TENM3: variants seen among roughly 807,000 people sequenced by gnomAD.
TENM3 encodes teneurin-3.
A neutral mutation model predicts 255.1 loss-of-function variants in TENM3; 63 were observed. That is an observed-to-expected ratio of 0.25 (90% confidence interval 0.20 to 0.30). The LOEUF (loss-of-function observed/expected upper bound fraction) is 0.30, where lower values mean the gene tolerates loss of function less well. Among genes scored for constraint, TENM3 ranks in the 10% least tolerant of loss-of-function variants. The probability of loss-of-function intolerance (pLI) is 1.00; values close to 1 mark genes in which losing one functional copy is unlikely to be tolerated. For synonymous variants in TENM3, 1,306 were observed against 1,322.3 expected (o/e 0.99, Z 0.27); for missense variants, 2,929 against 3,461.1 (o/e 0.85, Z 3.86).
At chr4:182,622,502 A>C in intron 4 of TENM3, among the ~76,000 whole-genome samples, 1 of 152,224 alleles carries the variant, frequency 6.6e-6, no homozygotes, top group East Asian at 1.9e-4. Context: ...CACGTAGTAG[A>C]TATTCACGTT....
the TENM3 span, among the ~76,000 whole-genome samples, chr4:181,904,287 T>A: frequency 1.3e-5 from 2 of 152,034 alleles, no homozygotes; most frequent in Admixed American, 6.6e-5. Context: ...CTTCTCTTTC[T>A]TCCCCAGAGC....
chr4:182,665,230 C>G (rs1561075317), intron 6 of TENM3, among the ~76,000 whole-genome samples: 1 of 152,176 alleles, frequency 6.6e-6, no homozygotes, highest in Non-Finnish European at 1.5e-5. Context: ...TATGCTAATT[C>G]TACTCTGCCT....
intron 3 of TENM3, among the ~76,000 whole-genome samples, chr4:182,571,621 A>T (rs929017248): frequency 2.0e-5 from 3 of 152,226 alleles, no homozygotes; most frequent in African/African-American, 4.8e-5. Flanking sequence ...GATATAAAAT[A>T]TTTCAGTTAA....
At chr4:182,478,582 A>G (rs1042629077) in intron 3 of TENM3, among the ~76,000 whole-genome samples, 2 of 151,934 alleles carry the variant, frequency 1.3e-5, no homozygotes, top group African/African-American at 4.8e-5. Flanking sequence ...ATCCTTATAC[A>G]GTGACTTGAC....
the TENM3 span, chr4:181,821,710 T>C: frequency 1.3e-5 from 2 of 152,210 alleles, no homozygotes; most frequent in Admixed American, 1.3e-4. Flanking sequence ...AATGCATCTC[T>C]TGAGGGTCTA....
chr4:182,213,903 G>A (rs1482144378), intron 1 of TENM3, among the ~76,000 whole-genome samples: 3 of 152,008 alleles, frequency 2.0e-5, no homozygotes, highest in African/African-American at 4.8e-5. Context: ...CTGGGTTCAC[G>A]CCATTCTCCT....
At chr4:182,412,284 T>A (rs901407418) in intron 3 of TENM3, among the ~76,000 whole-genome samples, 4 of 152,002 alleles carry the variant, frequency 2.6e-5, no homozygotes, top group Non-Finnish European at 5.9e-5. Context: ...AAGGTGCCAA[T>A]ACAAGATCTG....
the TENM3 span, among the ~76,000 whole-genome samples, chr4:181,795,450 T>C: frequency 6.6e-6 from 1 of 152,178 alleles, no homozygotes; most frequent in Non-Finnish European, 1.5e-5. Flanking sequence ...CCCCACCTCC[T>C]AATACAATCT....
At chr4:182,379,554 A>G (rs1261683898) in intron 3 of TENM3, among the ~76,000 whole-genome samples, 1 of 150,958 alleles carries the variant, frequency 6.6e-6, no homozygotes. Flanking sequence ...TATATAATGC[A>G]GTAACTAGTG....
chr4:182,142,653 G>C (rs1337544514), upstream of TENM3: 1 of 167,308 alleles, frequency 6.0e-6, no homozygotes, highest in East Asian at 1.9e-4. Flanking sequence ...CGACGAGGCT[G>C]AGAGCGCACC....
the TENM3 span, among the ~76,000 whole-genome samples, chr4:181,525,989 A>G: frequency 6.6e-6 from 1 of 152,212 alleles, no homozygotes; most frequent in Admixed American, 6.5e-5. Flanking sequence ...GTAAATACAG[A>G]AGGTTTGAGA....
At position 182,220,378 on chromosome 4, in the gene TENM3, C is replaced by CAAAAAAAAAA. The variant is rs60851113; in HGVS notation, c.-76+75639_-76+75648dup. On this transcript the variant is annotated intron_variant, in intron 1 of 2. Transcript: ENST00000512480. Reference sequence around the variant, plus strand: ...GGCGACAGAGTGAGACTCTGTCTCACAAAAAAAAAAAAAAAAAAAAAAAAG... The same window carrying CAAAAAAAAAA: ...GGCGACAGAGTGAGACTCTGTCTCACAAAAAAAAAAAAAAAAAAAAAAAAAAAAAAAAAAG... Among the ~76,000 whole-genome samples, 27 of 77,490 alleles carry CAAAAAAAAAA rather than the reference C, an allele frequency of 3.5e-4. 2 individuals are homozygous for CAAAAAAAAAA. Among genetic ancestry groups the CAAAAAAAAAA allele is most frequent in the South Asian group, 1.8e-3 (2 of 1,130 alleles). The allele number at this position is 77,490 out of a possible 152,430, so 50.8% of individuals were successfully genotyped here.
At chr4:181,724,692 G>A in the TENM3 span, among the ~76,000 whole-genome samples, 1 of 152,106 alleles carries the variant, frequency 6.6e-6, no homozygotes, top group Non-Finnish European at 1.5e-5. Flanking sequence ...ACAATTGGTT[G>A]ACTATTCATA....
chr4:181,452,619 A>G, the TENM3 span, among the ~76,000 whole-genome samples: 1 of 152,212 alleles, frequency 6.6e-6, no homozygotes, highest in Admixed American at 6.5e-5. Flanking sequence ...CTGTGCATCA[A>G]TTAAACATCT....
intron 1 of TENM3, among the ~76,000 whole-genome samples, chr4:182,165,299 G>A (rs1348525856): frequency 6.6e-6 from 1 of 152,102 alleles, no homozygotes; most frequent in Non-Finnish European, 1.5e-5. Context: ...GGATGCATTA[G>A]GGCTGAGATT....
the TENM3 span, among the ~76,000 whole-genome samples, chr4:181,532,550 G>C: frequency 6.6e-6 from 1 of 152,270 alleles, no homozygotes; most frequent in Non-Finnish European, 1.5e-5. Context: ...GTTCTGGAGG[G>C]AACAGGTTCT....
chr4:181,735,038 G>GCCCA, the TENM3 span, among the ~76,000 whole-genome samples: 1 of 152,008 alleles, frequency 6.6e-6, no homozygotes, highest in African/African-American at 2.4e-5. Context: ...GTGCTCATAT[G>GCCCA]CCCACATACA....
the TENM3 span, among the ~76,000 whole-genome samples, chr4:181,758,496 C>T: frequency 6.6e-6 from 1 of 152,138 alleles, no homozygotes; most frequent in Middle Eastern, 3.2e-3. Flanking sequence ...CACAGAGCAG[C>T]ATTTGCATAG....
At chr4:181,636,409 T>G in the TENM3 span, among the ~76,000 whole-genome samples, 1 of 152,214 alleles carries the variant, frequency 6.6e-6, no homozygotes, top group Non-Finnish European at 1.5e-5. Context: ...GGTAATAATC[T>G]GCTTTATTTA....
Sources: allele counts gnomAD v4.1 joint callset (sites outside exome capture counted in the v4.1 genomes callset), GRCh38; gene constraint gnomAD v4.1.1; transcripts MANE v1.5; gene names NCBI Gene and HGNC (gene_info 2026-07-23, HGNC 2026-07-21).